The following INTS9 variants were observed in gnomAD, a reference collection of about 807,000 sequenced individuals.
The protein encoded by INTS9 is integrator complex subunit 9.
In INTS9, 55 loss-of-function variants were observed where a neutral mutation model predicts 79.7. The ratio of observed to expected loss-of-function variants is 0.69; its 90% confidence interval spans 0.56 to 0.86. The LOEUF (loss-of-function observed/expected upper bound fraction) is 0.86. Among genes scored for constraint, INTS9 ranks in the 40% least tolerant of loss-of-function variants. INTS9 has a pLI of 0.00. For missense variants in INTS9, 721 were observed against 831.5 expected, an observed-to-expected ratio of 0.87 and a Z score of 1.64; for synonymous variants, 319 against 325.2, an observed-to-expected ratio of 0.98 and a Z score of 0.20.
At chr8:28,785,474 AT>A (rs1320399476) in intron 11 of INTS9, among the ~76,000 whole-genome samples, 1 of 152,172 alleles carries the variant, frequency 6.6e-6, no homozygotes, top group Non-Finnish European at 1.5e-5. Context: ...CTCACTATGG[AT>A]GCAGGAGTTT....
chr8:28,798,193 A>G (rs1804326523), intron 8 of INTS9: 2 of 152,248 alleles, frequency 1.3e-5, no homozygotes, highest in African/African-American at 4.8e-5. Flanking sequence ...ACAAATACAT[A>G]TGCATCCATT....
intron 14 of INTS9, among the ~76,000 whole-genome samples, chr8:28,771,929 T>C (rs1034455544): frequency 2.0e-5 from 3 of 152,106 alleles, no homozygotes; most frequent in African/African-American, 7.2e-5. Context: ...GGTGTGATCA[T>C]AGCTCATTGC....
intron 13 of INTS9, 43 bp downstream of exon 13, chr8:28,777,786 G>T: frequency 6.4e-7 from 1 of 1,557,224 alleles, no homozygotes; most frequent in Non-Finnish European, 8.7e-7. Flanking sequence ...GCCACACCAA[G>T]GTGACATGAC....
At chr8:28,838,246 T>G (rs79279059) in intron 4 of INTS9, among the ~76,000 whole-genome samples, 4 of 148,196 alleles carry the variant, frequency 2.7e-5, no homozygotes, top group Non-Finnish European at 6.0e-5. Context: ...CTTGTTTTGC[T>G]TTTTTTTTTC....
At chr8:28,884,423 G>GT (rs1304643714) in intron 1 of INTS9, among the ~76,000 whole-genome samples, 1 of 151,954 alleles carries the variant, frequency 6.6e-6, no homozygotes, top group Non-Finnish European at 1.5e-5. Context: ...GGGCTCAAGT[G>GT]ATCCTCCTCC....
At chr8:28,769,863 T>C (rs2130835342) in intron 16 of INTS9, 26 bp downstream of exon 16, 1 of 1,612,128 alleles carries the variant, frequency 6.2e-7, no homozygotes, top group Non-Finnish European at 8.5e-7. Context: ...TGTGGAGTTT[T>C]CACGGCACCA....
At chr8:28,783,662 C>G (rs1381430719) in intron 11 of INTS9, 1 of 152,236 alleles carries the variant, frequency 6.6e-6, no homozygotes, top group African/African-American at 2.4e-5. Flanking sequence ...TAGGAAGACA[C>G]TAACACTGTC....
At chr8:28,807,577 G>A (rs1024939141) in intron 8 of INTS9, among the ~76,000 whole-genome samples, 27 of 152,204 alleles carry the variant, frequency 1.8e-4, no homozygotes, top group Non-Finnish European at 3.5e-4. Context: ...GGTTAAATGT[G>A]AGAAAAGCTA....
At chr8:28,812,287 A>G in intron 8 of INTS9, 40 bp downstream of exon 8, 1 of 1,600,816 alleles carries the variant, frequency 6.2e-7, no homozygotes, top group Non-Finnish European at 8.5e-7. Context: ...TGACTTAAGT[A>G]ACCAAAAAGC....
At chr8:28,828,617 T>C (rs1490540119) in intron 6 of INTS9, among the ~76,000 whole-genome samples, 5 of 152,144 alleles carry the variant, frequency 3.3e-5, no homozygotes, top group East Asian at 1.9e-4. Flanking sequence ...CTTCCTATCA[T>C]AGAGTTAGTT....
chr8:28,880,487 C>T (rs1003094232), intron 1 of INTS9, among the ~76,000 whole-genome samples: 1 of 152,022 alleles, frequency 6.6e-6, no homozygotes, highest in Non-Finnish European at 1.5e-5. Flanking sequence ...TCTCCAGCTC[C>T]TAACCGCGAG....
At chr8:28,882,167 GCTCT>G (rs1809882356) in intron 1 of INTS9, among the ~76,000 whole-genome samples, 1 of 143,090 alleles carries the variant, frequency 7.0e-6, no homozygotes, top group African/African-American at 2.6e-5. Flanking sequence ...CCAACCCTGT[GCTCT>G]CTGAAACATG....
chr8:28,881,473 G>A (rs1178689200), intron 1 of INTS9, among the ~76,000 whole-genome samples: 20 of 82,764 alleles, frequency 2.4e-4, no homozygotes, highest in East Asian at 5.6e-4. Flanking sequence ...TCCGGGAGGG[G>A]GGAGGGGGGG....
chr8:28,800,613 C>T (rs1804462140), intron 8 of INTS9, among the ~76,000 whole-genome samples: 1 of 152,146 alleles, frequency 6.6e-6, no homozygotes, highest in Admixed American at 6.5e-5. Context: ...ACAGGAGAAA[C>T]AAATTATAAT....
chr8:28,774,039 T>C (rs1802727093), intron 14 of INTS9, among the ~76,000 whole-genome samples: 1 of 152,128 alleles, frequency 6.6e-6, no homozygotes, highest in African/African-American at 2.4e-5. Flanking sequence ...AGTCTTGAAC[T>C]CCTGACCTCA....
chr8:28,806,854 A>C (rs992808758), intron 8 of INTS9, among the ~76,000 whole-genome samples: 1 of 152,210 alleles, frequency 6.6e-6, no homozygotes, highest in Non-Finnish European at 1.5e-5. Flanking sequence ...AGTATCAAAA[A>C]TGTAACAGAG....
chr8:28,771,560 A>G (rs1435669044), intron 14 of INTS9, among the ~76,000 whole-genome samples: 1 of 152,252 alleles, frequency 6.6e-6, no homozygotes, highest in African/African-American at 2.4e-5. Flanking sequence ...AAACAAAAAC[A>G]TGCAAGAGGC....
At chr8:28,824,098 A>G (rs1213099809) in intron 6 of INTS9, among the ~76,000 whole-genome samples, 2 of 152,188 alleles carry the variant, frequency 1.3e-5, no homozygotes, top group Non-Finnish European at 2.9e-5. Flanking sequence ...TAAGTCACAT[A>G]AGGGGAATGA....
intron 12 of INTS9, among the ~76,000 whole-genome samples, chr8:28,779,410 G>C (rs929429517): frequency 8.5e-5 from 13 of 152,182 alleles, no homozygotes; most frequent in African/African-American, 2.9e-4. Context: ...CCTGCTGTGT[G>C]AACGCAACTT....
Sources: allele counts gnomAD v4.1 joint callset (sites outside exome capture counted in the v4.1 genomes callset), GRCh38; gene constraint gnomAD v4.1.1; transcripts MANE v1.5; gene names NCBI Gene and HGNC (gene_info 2026-07-23, HGNC 2026-07-21).